CYB5B: variants seen among roughly 807,000 people sequenced by gnomAD.
The protein encoded by CYB5B is cytochrome b5 type B (outer mitochondrial membrane).
Under a neutral mutation model 21.3 loss-of-function variants are expected in CYB5B, and 14 were observed. The ratio of observed to expected loss-of-function variants is 0.66; its 90% CI spans 0.43 to 1.03. The LOEUF (loss-of-function observed/expected upper bound fraction) is 1.03. Ranked by LOEUF, CYB5B falls within the 50% of genes least tolerant of loss-of-function variation. The pLI, the probability that CYB5B is intolerant of heterozygous loss-of-function variation, is 0.00. For missense variants in CYB5B, 166 were observed against 185.1 expected, an observed-to-expected ratio of 0.90 and a Z score of 0.60; for synonymous variants, 69 against 68.4, an observed-to-expected ratio of 1.01 and a Z score of -0.04.
At chr16:69,433,895 C>T (rs980662886) in intron 1 of CYB5B, among the ~76,000 whole-genome samples, 5 of 152,282 alleles carry the variant, frequency 3.3e-5, no homozygotes, top group South Asian at 2.1e-4. Flanking sequence ...CTTAGCTGTA[C>T]GGTATAGTCT....
At chr16:69,458,958 CA>C in intron 3 of CYB5B, 134 bp from the exon 4 acceptor site, 1 of 747,030 alleles carries the variant, frequency 1.3e-6, no homozygotes, top group Non-Finnish European at 2.1e-6. Flanking sequence ...TTGTAAACAC[CA>C]AAATGCATGA....
At position 69,447,676 on chromosome 16, in the gene CYB5B, C is replaced by T. The variant is rs1381712476; in HGVS notation, c.303+398C>T. Among the ~76,000 whole-genome samples, 7 of 150,716 alleles carry T rather than the reference C, an allele frequency of 4.6e-5. No homozygotes were observed. In the East Asian group the frequency reaches 1.4e-3, roughly 29 times the overall value. ...AAAAAAAATTATTAAAATGGAAATT[C>T]ATTCAATCTAGCCATCAGGCTAAAT... is the stretch of plus-strand genomic sequence containing the variant. On this transcript the variant is annotated intron_variant, in intron 2 of 4. Coordinates refer to ENST00000307892, the MANE Select transcript of CYB5B (RefSeq NM_030579.3).
Position 69,448,157 on chromosome 16 carries a change from C to T in CYB5B, c.333+13C>T, listed in dbSNP as rs770032932. 2.0e-5 allele frequency: 32 copies of T among 1,612,680 alleles called. No individual in the cohort carries two copies. Among genetic ancestry groups the T allele is most frequent in the Admixed American group, 1.0e-4 (6 of 59,712 alleles). ...AAGTGGTAGCAAGGTAAGAAGTCAG[C>T]GGTTTGTCTTGTGTTTATATTTGTG... On this transcript the variant is annotated intron_variant, in intron 3 of 4. Coordinates refer to ENST00000307892, the MANE Select transcript of CYB5B (RefSeq NM_030579.3).
intron 4 of CYB5B, among the ~76,000 whole-genome samples, chr16:69,461,614 G>C (rs543539690): frequency 2.0e-5 from 3 of 152,300 alleles, no homozygotes; most frequent in Admixed American, 2.0e-4. Flanking sequence ...CTTAAAACTA[G>C]TGTGCTAATA....
chr16:69,424,941 G>A, intron 1 of CYB5B, 84 bp downstream of exon 1: 1 of 1,352,980 alleles, frequency 7.4e-7, no homozygotes, highest in South Asian at 1.8e-5. Context: ...GGAAGGAAGG[G>A]AGGCTTGGCT....
At chr16:69,431,447 A>G (rs2014705419) in intron 1 of CYB5B, among the ~76,000 whole-genome samples, 1 of 152,162 alleles carries the variant, frequency 6.6e-6, no homozygotes. Flanking sequence ...ATGGAACCCC[A>G]GCCTGGGCGA....
intron 2 of CYB5B, 52 bp downstream of exon 2, chr16:69,447,330 C>T: frequency 6.3e-7 from 1 of 1,589,978 alleles, no homozygotes; most frequent in Non-Finnish European, 8.6e-7. Context: ...TACTTAACAG[C>T]TGCAGAACAG....
At chr16:69,449,005 AT>A (rs1313934489) in intron 3 of CYB5B, 1 of 152,164 alleles carries the variant, frequency 6.6e-6, no homozygotes, top group Non-Finnish European at 1.5e-5. Flanking sequence ...AACTCAAGAG[AT>A]TGCTTGCTTA....
intron 1 of CYB5B, among the ~76,000 whole-genome samples, chr16:69,440,460 G>C (rs1000588346): frequency 6.6e-6 from 1 of 152,150 alleles, no homozygotes; most frequent in African/African-American, 2.4e-5. Context: ...CTCATCCCCA[G>C]AGGTACCCAC....
chr16:69,455,275 C>T (rs1195154558), intron 3 of CYB5B, among the ~76,000 whole-genome samples: 1 of 152,162 alleles, frequency 6.6e-6, no homozygotes. Context: ...AAGTACACTC[C>T]ATTCCTTAAG....
chr16:69,424,853 A>T lies in CYB5B; in HGVS notation c.170A>T (p.Asn57Ile), dbSNP rs757045438. 10 of 1,578,636 alleles carry T rather than the reference A, an allele frequency of 6.3e-6. No individual in the cohort carries two copies. The highest frequency in any genetic ancestry group is 7.7e-6 in the Non-Finnish European group (9 of 1,161,730). The change falls in exon 1 of 5, where the codon AAC (asparagine) becomes ATC (isoleucine). Residue 57 changes from asparagine (N) to isoleucine (I), a missense_variant. Asn to Ile is a moderately radical substitution (Grantham distance 149, BLOSUM62 -3). Transcript: ENST00000307892. ...GTCTACGATGTCACCCGCTTCCTCA[A>T]CGAGGTGGGGCCTGGGAGGTGGGAG... ...GRVYDVTRFL[N>I]EHPGGEEVLL...
At chr16:69,431,838 C>T (rs2014709467) in intron 1 of CYB5B, among the ~76,000 whole-genome samples, 1 of 152,002 alleles carries the variant, frequency 6.6e-6, no homozygotes, top group Non-Finnish European at 1.5e-5. Flanking sequence ...GGAGTCAAAA[C>T]AAAAACAGAC....
At chr16:69,455,395 G>A (rs933989279) in intron 3 of CYB5B, among the ~76,000 whole-genome samples, 1 of 134,210 alleles carries the variant, frequency 7.5e-6, no homozygotes, top group Non-Finnish European at 1.6e-5. Flanking sequence ...TTTCTTTGTT[G>A]TTCTCTTTTT....
intron 3 of CYB5B, among the ~76,000 whole-genome samples, chr16:69,454,426 C>T (rs1174412765): frequency 1.3e-5 from 2 of 152,212 alleles, no homozygotes; most frequent in Non-Finnish European, 2.9e-5. Context: ...TACCACATGA[C>T]TGTGTCATAG....
intron 1 of CYB5B, among the ~76,000 whole-genome samples, chr16:69,442,929 G>T (rs928476939): frequency 1.3e-5 from 2 of 150,142 alleles, no homozygotes; most frequent in Non-Finnish European, 3.0e-5. Flanking sequence ...TTACTACTTG[G>T]TCTTCAAAAA....
intron 1 of CYB5B, among the ~76,000 whole-genome samples, chr16:69,441,295 C>T (rs1034601078): frequency 1.3e-5 from 2 of 151,928 alleles, no homozygotes; most frequent in Admixed American, 1.3e-4. Context: ...CTGGGACTTA[C>T]AGGCACATGC....
At chr16:69,433,284 T>G (rs1219017550) in intron 1 of CYB5B, among the ~76,000 whole-genome samples, 1 of 152,232 alleles carries the variant, frequency 6.6e-6, no homozygotes. Flanking sequence ...TTTTTTCATT[T>G]TTTAAGTAGG....
chr16:69,452,709 G>A (rs531833472), intron 3 of CYB5B, among the ~76,000 whole-genome samples: 1 of 151,550 alleles, frequency 6.6e-6, no homozygotes, highest in East Asian at 2.0e-4. Context: ...TTTCTTGTCA[G>A]TTTATTAACA....
In CYB5B at chr16:69,448,108, T is replaced by C; in HGVS notation, c.304-7T>C. The C allele has an allele frequency of 6.2e-7, 1 of 1,610,310 alleles. No individual in the cohort carries two copies. Among genetic ancestry groups the C allele is most frequent in the Non-Finnish European group, 8.5e-7 (1 of 1,179,208 alleles). On this transcript the variant is annotated splice_region_variant and splice_polypyrimidine_tract_variant and intron_variant, in intron 2 of 4. Transcript: ENST00000307892. ...TAAAATATTATTTGTTTTCCTTTTT[T>C]TGACAGAGTGACCTTAAACCTGAAA...
Sources: allele counts gnomAD v4.1 joint callset (sites outside exome capture counted in the v4.1 genomes callset), GRCh38; gene constraint gnomAD v4.1.1; transcripts MANE v1.5; gene names NCBI Gene and HGNC (gene_info 2026-07-23, HGNC 2026-07-21).